Variants in COMMD1 observed in about 807,000 individuals in gnomAD.
COMMD1 encodes copper metabolism domain containing 1, also known as COMM domain-containing protein 1.
In COMMD1, 10 loss-of-function variants were observed where a neutral mutation model predicts 17.2. That is an observed-to-expected ratio of 0.58 (90% confidence interval 0.36 to 0.99). The LOEUF is 0.99. COMMD1 is among the 50% of genes least tolerant of loss of function. COMMD1 has a pLI of 0.01. For missense variants in COMMD1, 270 were observed against 231.8 expected (o/e 1.17, Z -1.07); for synonymous variants, 97 against 91.6 (o/e 1.06, Z -0.34).
At chr2:62,113,139 G>A (rs1179112817) in intron 2 of COMMD1, among the ~76,000 whole-genome samples, 1 of 151,690 alleles carries the variant, frequency 6.6e-6, no homozygotes, top group Non-Finnish European at 1.5e-5. Flanking sequence ...GAGTCTGGGA[G>A]TTCAAGACTA....
chr2:61,891,866 C>T (rs1460833917), intron 1 of COMMD1, among the ~76,000 whole-genome samples: 2 of 151,674 alleles, frequency 1.3e-5, no homozygotes, highest in Non-Finnish European at 2.9e-5. Context: ...GAGTCTCGCT[C>T]TGTCACCCAG....
chr2:62,123,441 GGTGTA>G (rs1284788492), intron 2 of COMMD1, among the ~76,000 whole-genome samples: 1 of 150,470 alleles, frequency 6.6e-6, no homozygotes, highest in Non-Finnish European at 1.5e-5. Context: ...GGAGGCGGAG[GGTGTA>G]GTGAGCCAAG....
At chr2:61,991,176 T>G (rs1672244327) in intron 1 of COMMD1, among the ~76,000 whole-genome samples, 1 of 152,220 alleles carries the variant, frequency 6.6e-6, no homozygotes, top group Non-Finnish European at 1.5e-5. Context: ...ATTTTTAAAT[T>G]TGTTTTGGCT....
rs148098353 is a variant in COMMD1 at position 61,984,287 on chromosome 2, A to C, written c.181-16414A>C. ...GTGATCCACCTGCCTTGGCATCCCA[A>C]AGTGTTGGGATTACAGGCATGAGCC... On this transcript the variant is annotated intron_variant, in intron 1 of 2. Transcript: ENST00000311832. Among the ~76,000 whole-genome samples, 9 of 152,274 alleles carry C rather than the reference A, an allele frequency of 5.9e-5. No homozygotes were observed. The East Asian group carries it at 1.7e-3, about 29-fold the overall frequency.
intron 2 of COMMD1, among the ~76,000 whole-genome samples, chr2:62,021,152 C>T (rs899004538): frequency 1.3e-5 from 2 of 152,196 alleles, no homozygotes; most frequent in African/African-American, 4.8e-5. Flanking sequence ...GTGTCCTCAA[C>T]CACATCTTTT....
chr2:61,999,387 A>T (rs1459107912), intron 1 of COMMD1, among the ~76,000 whole-genome samples: 3 of 152,230 alleles, frequency 2.0e-5, no homozygotes, highest in African/African-American at 7.2e-5. Context: ...ATAATTTCAC[A>T]GTAGTATTAT....
chr2:61,930,971 G>T (rs1021204147), intron 1 of COMMD1, among the ~76,000 whole-genome samples: 3 of 152,088 alleles, frequency 2.0e-5, no homozygotes, highest in African/African-American at 7.2e-5. Flanking sequence ...GGCTTATTGT[G>T]ACTGTCAAAT....
intron 1 of COMMD1, among the ~76,000 whole-genome samples, chr2:61,925,543 A>G (rs1180297664): frequency 6.6e-6 from 1 of 151,984 alleles, no homozygotes; most frequent in Non-Finnish European, 1.5e-5. Flanking sequence ...TGGGGTCTGG[A>G]TGGTTTGTAA....
At chr2:61,939,792 G>A (rs1363772583) in intron 1 of COMMD1, among the ~76,000 whole-genome samples, 1 of 152,118 alleles carries the variant, frequency 6.6e-6, no homozygotes, top group Non-Finnish European at 1.5e-5. Context: ...TTCCAAACAA[G>A]GTGTTTGTTC....
chr2:62,062,766 T>A (rs1397947666), intron 2 of COMMD1, among the ~76,000 whole-genome samples: 1 of 152,118 alleles, frequency 6.6e-6, no homozygotes, highest in Non-Finnish European at 1.5e-5. Flanking sequence ...AGGAGGTGCT[T>A]TTTATAAAAT....
chr2:62,072,791 G>T (rs988950545), intron 2 of COMMD1, among the ~76,000 whole-genome samples: 1 of 152,204 alleles, frequency 6.6e-6, no homozygotes, highest in Non-Finnish European at 1.5e-5. Flanking sequence ...GGCACACCTG[G>T]TCCAGCCACA....
upstream of COMMD1, chr2:61,888,556 G>A (rs766912563): frequency 3.8e-6 from 6 of 1,588,486 alleles, no homozygotes; most frequent in Non-Finnish European, 5.1e-6. Context: ...GGATGGACCC[G>A]GATTCTGGCC....
chr2:61,943,146 A>G (rs1290978301), intron 1 of COMMD1, among the ~76,000 whole-genome samples: 3 of 152,218 alleles, frequency 2.0e-5, no homozygotes, highest in Admixed American at 6.5e-5. Context: ...TTATAGTTGC[A>G]GATTGACTTT....
chr2:61,964,565 T>C (rs776774101), intron 1 of COMMD1, among the ~76,000 whole-genome samples: 2 of 151,900 alleles, frequency 1.3e-5, no homozygotes, highest in Non-Finnish European at 2.9e-5. Flanking sequence ...CTGGGCGTGG[T>C]GGCTAACGCC....
intron 2 of COMMD1, among the ~76,000 whole-genome samples, chr2:62,049,927 T>G: frequency 6.6e-6 from 1 of 152,180 alleles, no homozygotes. Flanking sequence ...TTATCTGTTG[T>G]CAGTTTTACT....
At chr2:62,065,867 TG>T (rs1226777897) in intron 2 of COMMD1, among the ~76,000 whole-genome samples, 1 of 152,230 alleles carries the variant, frequency 6.6e-6, no homozygotes, top group African/African-American at 2.4e-5. Flanking sequence ...TGATTTGAAT[TG>T]TTATGCAGTT....
chr2:62,091,856 C>T (rs970157829), intron 2 of COMMD1, among the ~76,000 whole-genome samples: 1 of 152,196 alleles, frequency 6.6e-6, no homozygotes, highest in African/African-American at 2.4e-5. Flanking sequence ...TAGACCCCCT[C>T]AGTGATCATT....
At chr2:61,935,805 T>G (rs1327371418) in intron 1 of COMMD1, among the ~76,000 whole-genome samples, 3 of 152,278 alleles carry the variant, frequency 2.0e-5, no homozygotes, top group Admixed American at 1.3e-4. Flanking sequence ...GGACATATGC[T>G]TGATCTTAGG....
At chr2:62,033,943 C>T (rs1347665311) in intron 2 of COMMD1, among the ~76,000 whole-genome samples, 1 of 151,744 alleles carries the variant, frequency 6.6e-6, no homozygotes, top group African/African-American at 2.4e-5. Flanking sequence ...GACCCCATTT[C>T]TACAAAAATG....
Sources: allele counts gnomAD v4.1 joint callset (sites outside exome capture counted in the v4.1 genomes callset), GRCh38; gene constraint gnomAD v4.1.1; transcripts MANE v1.5; gene names NCBI Gene and HGNC (gene_info 2026-07-23, HGNC 2026-07-21).